GCC1: variants seen among roughly 807,000 people sequenced by gnomAD.
The protein encoded by GCC1 is GRIP and coiled-coil domain-containing protein 1.
In GCC1, 36 loss-of-function variants were observed where a neutral mutation model predicts 62.5. The observed-to-expected ratio is 0.58, with a 90% confidence interval of 0.44 to 0.76. GCC1 has a LOEUF of 0.76. Among genes scored for constraint, GCC1 ranks in the 30% least tolerant of loss-of-function variants. The pLI, the probability that GCC1 is intolerant of heterozygous loss-of-function variation, is 0.00. For missense variants in GCC1, 885 were observed against 948.3 expected (o/e 0.93, Z 0.88); for synonymous variants, 391 against 386.8 (o/e 1.01, Z -0.13).
rs746269017 is a variant in GCC1 at position 127,582,308 on chromosome 7, C to A, written c.2034G>T (p.Glu678Asp). 1.3e-4 allele frequency: 203 copies of A among 1,614,140 alleles called. 2 individuals are homozygous for A. The highest frequency in any genetic ancestry group is 2.2e-4 in the Admixed American group (13 of 60,014). Residue 678 changes from glutamate to aspartate, a missense_variant, in exon 2 of 2, where the codon GAG becomes GAT. By Grantham distance (45) the Glu-to-Asp change is conservative. Coordinates refer to ENST00000321407, the MANE Select transcript of GCC1 (RefSeq NM_024523.6). The surrounding 1 kb of genome is among the most constrained non-coding windows in gnomAD (Gnocchi z 4.8). Reference sequence around the variant, plus strand: ...GATCCTGCAGCTGATGCACCTCGACCTCCAGCCTGTGCTTCTGCTTCCTCA... The same window carrying A: ...GATCCTGCAGCTGATGCACCTCGACATCCAGCCTGTGCTTCTGCTTCCTCA... Reference protein sequence around the residue: ...TSLRKQKHRLEVEVHQLQDRL... With the variant: ...TSLRKQKHRLDVEVHQLQDRL...
Position 127,585,515 on chromosome 7 carries a change from C to G in GCC1, c.-333G>C, listed in dbSNP as rs1299018041. 3.5e-6 allele frequency: 1 copy of G among 285,038 alleles called. No individual in the cohort carries two copies. The highest frequency in any genetic ancestry group is 4.8e-5 in the Admixed American group (1 of 20,834). 17.7% of individuals were successfully genotyped at this position (285,038 alleles called of 1,614,324 possible). A position where few individuals can be genotyped will look rare whatever the true frequency, so the allele number is the denominator to read the frequency against. On this transcript the variant is annotated 5_prime_UTR_variant, in exon 1 of 2. Coordinates refer to ENST00000321407, the MANE Select transcript of GCC1 (RefSeq NM_024523.6). Reference sequence around the variant, plus strand: ...TCTGGGCCACAGCAGCCCGGGCCGGCCCCCTCGGCCCACGTCGGCCAGAGG... The same window carrying G: ...TCTGGGCCACAGCAGCCCGGGCCGGGCCCCTCGGCCCACGTCGGCCAGAGG...
Position 127,584,906 on chromosome 7 carries a change from C to T in GCC1, c.277G>A (p.Asp93Asn), listed in dbSNP as rs746618070. 1 of 1,614,146 alleles carries T rather than the reference C, an allele frequency of 6.2e-7. No individual in the cohort carries two copies. The highest frequency in any genetic ancestry group is 8.5e-7 in the Non-Finnish European group (1 of 1,180,054). ...AAGCTAGTGGCGGTCCCAGTGCTAT[C>T]CTCGCTGTGAGTGGAGCACCGGTCA... ...VDDRCSTHSE[D>N]STGTATSLDT... The change falls in exon 1 of 2, where the codon GAT becomes AAT. Residue 93 changes from aspartate (D) to asparagine (N), a missense_variant. Transcript: ENST00000321407.
chr7:127,584,084 G>C (rs920741398), intron 1 of GCC1, 67 bp downstream of exon 1: 2 of 1,433,994 alleles, frequency 1.4e-6, no homozygotes, highest in African/African-American at 2.8e-5. Context: ...AGCAAAGGAG[G>C]AAAAAAACCC....
In GCC1 at chr7:127,582,821, A is replaced by T; in HGVS notation, c.1521T>A (p.Asn507Lys). The change falls in exon 2 of 2, where the codon AAT (asparagine) becomes AAA (lysine). Residue 507 changes from asparagine (N) to lysine (K), a missense_variant. Asn to Lys is a moderately conservative substitution (Grantham distance 94, BLOSUM62 0). Coordinates refer to ENST00000321407, the MANE Select transcript of GCC1 (RefSeq NM_024523.6). This position sits in a 1 kb window ranked among gnomAD's most constrained non-coding sequence, Gnocchi z 4.8. ...MRAQVVLKSKNTKDGNLGKEL... is the reference protein window; with the variant it reads ...MRAQVVLKSKKTKDGNLGKEL... The stretch of plus-strand genomic sequence containing the variant: ...CCTTTCCCAGGTTACCATCTTTGGT[A>T]TTCTTGCTTTTGAGGACAACCTGGG... The T allele has an allele frequency of 6.2e-7, 1 of 1,614,106 alleles. No individual in the cohort carries two copies. Among genetic ancestry groups the T allele is most frequent in the South Asian group, 1.1e-5 (1 of 91,088 alleles).
At position 127,585,413 on chromosome 7, in the gene GCC1, G is replaced by T. The variant is rs1285173795; in HGVS notation, c.-231C>A. On this transcript the variant is annotated 5_prime_UTR_variant, in exon 1 of 2. Coordinates refer to ENST00000321407, the MANE Select transcript of GCC1 (RefSeq NM_024523.6). Reference sequence around the variant, plus strand: ...GGGCGGATTCTACCCCGGAGGCGGGGCGACACTGGCACCAGAGGTGCGCAC... The same window carrying T: ...GGGCGGATTCTACCCCGGAGGCGGGTCGACACTGGCACCAGAGGTGCGCAC... The T allele has an allele frequency of 1.8e-6, 1 of 553,620 alleles. No individual in the cohort carries two copies. Among genetic ancestry groups the T allele is most frequent in the Admixed American group, 3.5e-5 (1 of 28,720 alleles). The allele number at this position is 553,620 out of a possible 1,614,324, so 34.3% of individuals were successfully genotyped here. A position where few individuals can be genotyped will look rare whatever the true frequency, so the allele number is the denominator to read the frequency against.
Position 127,584,501 on chromosome 7 carries a change from G to A in GCC1, c.682C>T (p.Arg228Trp). 6.2e-7 allele frequency: 1 copy of A among 1,613,982 alleles called. No individual in the cohort carries two copies. Among genetic ancestry groups the A allele is most frequent in the Non-Finnish European group, 8.5e-7 (1 of 1,180,002 alleles). ...LQEQIAETKA[R>W]LITQQHDRAQ... Reference sequence around the variant, plus strand: ...CGATCATGCTGCTGCGTGATAAGCCGGGCTTTGGTTTCTGCTATTTGCTCC... The same window carrying A: ...CGATCATGCTGCTGCGTGATAAGCCAGGCTTTGGTTTCTGCTATTTGCTCC... Residue 228 changes from arginine (R) to tryptophan (W), a missense_variant, in exon 1 of 2, where the codon CGG (arginine) becomes TGG (tryptophan). Transcript: ENST00000321407.
rs1794174935 is a variant in GCC1 at position 127,584,431 on chromosome 7, T to C, written c.752A>G (p.Gln251Arg). Residue 251 changes from glutamine (Q) to arginine (R), a missense_variant, in exon 1 of 2, where the codon CAG becomes CGG. Physicochemically the swap from Gln to Arg is conservative, Grantham distance 43. Transcript: ENST00000321407. ...GGTCCTCTCCTCCTGCAGCAGCTTC[T>C]GGAGCTCACGCAGCATCAAGGCATG... ...SDHALMLREL[Q>R]KLLQEERTQR... The C allele has an allele frequency of 6.2e-7, 1 of 1,614,070 alleles. No homozygotes were observed. The highest frequency in any genetic ancestry group is 1.1e-5 in the South Asian group (1 of 91,076).
Position 127,585,290 on chromosome 7 carries a change from G to A in GCC1, c.-108C>T, listed in dbSNP as rs925047543. 359 of 1,064,860 alleles carry A rather than the reference G, an allele frequency of 3.4e-4. 1 individual carries two copies. The highest frequency in any genetic ancestry group is 2.0e-4 in the South Asian group (13 of 64,292). The allele number at this position is 1,064,860 out of a possible 1,614,324, so 66.0% of individuals were successfully genotyped here. On this transcript the variant is annotated 5_prime_UTR_variant, in exon 1 of 2. Transcript: ENST00000321407. ...AACAGCGAGCGGGCTGTCCGGCGGC[G>A]GGCCGCACACCTACTCCACCTAGTT...
chr7:127,584,048 G>A (rs1290592450), intron 1 of GCC1, 103 bp downstream of exon 1: 10 of 1,002,730 alleles, frequency 1.0e-5, no homozygotes, highest in African/African-American at 1.6e-5. Flanking sequence ...CATCAAAAAT[G>A]ACAGTATAGA....
In GCC1 at chr7:127,584,363, C is replaced by G. The variant is rs34887879; in HGVS notation, c.820G>C (p.Ala274Pro). Residue 274 changes from alanine (A) to proline (P), a missense_variant, in exon 1 of 2, where the codon GCC becomes CCC. Physicochemically the swap from Ala to Pro is conservative, Grantham distance 27. Coordinates refer to ENST00000321407, the MANE Select transcript of GCC1 (RefSeq NM_024523.6). ...LELRLEETREALAGRAYAAEQ... is the reference protein window; with the variant it reads ...LELRLEETREPLAGRAYAAEQ... ...GCTGCATATGCTCGTCCTGCCAAGGCTTCTCGGGTCTCTTCTAACCTAAGC... is the reference window on the plus strand; with the variant it reads ...GCTGCATATGCTCGTCCTGCCAAGGGTTCTCGGGTCTCTTCTAACCTAAGC... The G allele has an allele frequency of 1.2e-6, 2 of 1,613,784 alleles. No individual in the cohort carries two copies. Among genetic ancestry groups the G allele is most frequent in the African/African-American group, 2.7e-5 (2 of 74,818 alleles).
chr7:127,584,824 C>A lies in GCC1; in HGVS notation c.359G>T (p.Arg120Ile), dbSNP rs1376070252. The A allele has an allele frequency of 3.7e-6, 6 of 1,614,212 alleles. No individual in the cohort carries two copies. Among genetic ancestry groups the A allele is most frequent in the Non-Finnish European group, 5.1e-6 (6 of 1,180,042 alleles). ...TKGEFGVEDD[R>I]PARGPPPPKS... is the part of the protein sequence containing the mutation. ...TGGAGGTGGTGGTCCACGGGCCGGT[C>A]TGTCATCTTCTACCCCAAACTCACC... The change falls in exon 1 of 2, where the codon AGA (arginine) becomes ATA (isoleucine). Residue 120 changes from arginine (R) to isoleucine (I), a missense_variant. Transcript: ENST00000321407.
At chr7:127,583,688 T>C (rs1350529111) in intron 1 of GCC1, among the ~76,000 whole-genome samples, 1 of 152,220 alleles carries the variant, frequency 6.6e-6, no homozygotes, top group Non-Finnish European at 1.5e-5. Flanking sequence ...CCTCTCCACA[T>C]TGAAAGGAGG....
chr7:127,583,742 C>T (rs779281550), intron 1 of GCC1, among the ~76,000 whole-genome samples: 2 of 152,232 alleles, frequency 1.3e-5, no homozygotes, highest in Non-Finnish European at 2.9e-5. Flanking sequence ...TTCTCCAGAA[C>T]AGGCACATCT....
Position 127,584,147 on chromosome 7 carries a change from T to C in GCC1, c.1032+4A>G. 14 of 1,612,212 alleles carry C rather than the reference T, an allele frequency of 8.7e-6. No homozygotes were observed. Among genetic ancestry groups the C allele is most frequent in the Non-Finnish European group, 1.0e-5 (12 of 1,178,756 alleles). On this transcript the variant is annotated splice_donor_region_variant and intron_variant, in intron 1 of 1. Coordinates refer to ENST00000321407, the MANE Select transcript of GCC1 (RefSeq NM_024523.6). ...TGATGTTTGAAAGAGATATGGATAATTACCTTTCTCATTTCCTGCTGTAAC... is the reference window on the plus strand; with the variant it reads ...TGATGTTTGAAAGAGATATGGATAACTACCTTTCTCATTTCCTGCTGTAAC...
rs888923887 is a variant in GCC1, at chr7:127,585,381, A to G, written c.-199T>C. ...AGCGGCCGCCCGGTCCCAGGCCCGG[A>G]GGGCTGGGGCGGATTCTACCCCGGA... On this transcript the variant is annotated 5_prime_UTR_variant, in exon 1 of 2. Coordinates refer to ENST00000321407, the MANE Select transcript of GCC1 (RefSeq NM_024523.6). The G allele has an allele frequency of 1.9e-5, 11 of 587,790 alleles. No individual in the cohort carries two copies. The African/African-American group carries it at 1.9e-4, about 10-fold the overall frequency. 36.4% of individuals were successfully genotyped at this position (587,790 alleles called of 1,614,324 possible). A position where few individuals can be genotyped will look rare whatever the true frequency, so the allele number is the denominator to read the frequency against.
rs780226105 is a variant in GCC1, at chr7:127,582,101, C to A, written c.2241G>T (p.Leu747=). The change falls in exon 2 of 2, where the codon CTG becomes CTT. Residue 747 remains leucine (L), a synonymous_variant. Transcript: ENST00000321407. This position sits in a 1 kb window ranked among gnomAD's most constrained non-coding sequence, Gnocchi z 4.8. Reference sequence around the variant, plus strand: ...CCTCTGGACTGAAGTGCAAGATAGTCAGTATGGCTGTGAGAGTCTGCTGGC... The same window carrying A: ...CCTCTGGACTGAAGTGCAAGATAGTAAGTATGGCTGTGAGAGTCTGCTGGC... The part of the protein sequence containing the change: ...LGRQQTLTAI[L]TILHFSPEEK... The A allele has an allele frequency of 6.2e-7, 1 of 1,614,188 alleles. No homozygotes were observed. Among genetic ancestry groups the A allele is most frequent in the South Asian group, 1.1e-5 (1 of 91,072 alleles).
In GCC1 at chr7:127,584,538, C is replaced by T; in HGVS notation, c.645G>A (p.Leu215=). 6.2e-7 allele frequency: 1 copy of T among 1,614,138 alleles called. No homozygotes were observed. Among genetic ancestry groups the T allele is most frequent in the Non-Finnish European group, 8.5e-7 (1 of 1,180,036 alleles). ...CTGCTATTTGCTCCTGCAGCCCCTTCAATTCTCCCTCCAGGCGGGCCCTCT... is the reference window on the plus strand; with the variant it reads ...CTGCTATTTGCTCCTGCAGCCCCTTTAATTCTCCCTCCAGGCGGGCCCTCT... ...EEERARLEGE[L]KGLQEQIAET... Residue 215 remains leucine (L), a synonymous_variant, in exon 1 of 2, where the codon TTG becomes TTA. Coordinates refer to ENST00000321407, the MANE Select transcript of GCC1 (RefSeq NM_024523.6).
chr7:127,582,132 A>G lies in GCC1; in HGVS notation c.2210T>C (p.Leu737Pro). 1 of 1,614,180 alleles carries G rather than the reference A, an allele frequency of 6.2e-7. No homozygotes were observed. The highest frequency in any genetic ancestry group is 1.1e-5 in the South Asian group (1 of 91,086). Residue 737 changes from leucine (L) to proline (P), a missense_variant, in exon 2 of 2, where the codon CTG becomes CCG. By Grantham distance (98) the Leu-to-Pro change is moderately conservative. Transcript: ENST00000321407. This position sits in a 1 kb window ranked among gnomAD's most constrained non-coding sequence, Gnocchi z 4.8. ...GGCTGTGAGAGTCTGCTGGCGGCCC[A>G]GGGAGTCAGGTAAGGTCAGGAAGCG... ...IYRFLTLPDSLGRQQTLTAIL... is the reference protein window; with the variant it reads ...IYRFLTLPDSPGRQQTLTAIL...
Position 127,581,756 on chromosome 7 carries a change from T to A in GCC1, c.*258A>T, listed in dbSNP as rs79030634. On this transcript the variant is annotated 3_prime_UTR_variant, in exon 2 of 2. Coordinates refer to ENST00000321407, the MANE Select transcript of GCC1 (RefSeq NM_024523.6). Reference sequence around the variant, plus strand: ...ACCACTGTTCCAACTTCTGCACTTCTCAGTCCTAACCTCATCTTCTCCTCA... The same window carrying A: ...ACCACTGTTCCAACTTCTGCACTTCACAGTCCTAACCTCATCTTCTCCTCA... The A allele has an allele frequency of 5.3e-5, 25 of 468,544 alleles. No homozygotes were observed. Among genetic ancestry groups the A allele is most frequent in the African/African-American group, 4.5e-4 (23 of 50,866 alleles). 29.0% of individuals were successfully genotyped at this position (468,544 alleles called of 1,614,324 possible). A position where few individuals can be genotyped will look rare whatever the true frequency, so the allele number is the denominator to read the frequency against.
Sources: allele counts gnomAD v4.1 joint callset (sites outside exome capture counted in the v4.1 genomes callset), GRCh38; gene constraint gnomAD v4.1.1; non-coding constraint Gnocchi (gnomAD v3.1); transcripts MANE v1.5; gene names NCBI Gene and HGNC (gene_info 2026-07-23, HGNC 2026-07-21).